Variants in PGLYRP3 observed in about 807,000 individuals in gnomAD.
PGLYRP3 encodes the protein peptidoglycan recognition protein I alpha.
A neutral mutation model predicts 36.0 loss-of-function variants in PGLYRP3; 39 were observed. The observed-to-expected ratio is 1.08, with a 90% confidence interval of 0.84 to 1.41. The LOEUF is 1.41. Ranked by LOEUF, PGLYRP3 falls within the 40% of genes most tolerant of loss-of-function variation. PGLYRP3 has a pLI of 0.00. For synonymous variants in PGLYRP3, 204 were observed against 172.8 expected (o/e 1.18, Z -1.42); for missense variants, 407 against 427.9 (o/e 0.95, Z 0.43).
intron 2 of PGLYRP3, among the ~76,000 whole-genome samples, chr1:153,307,695 T>C (rs757239165): frequency 2.0e-5 from 3 of 152,162 alleles, no homozygotes; most frequent in African/African-American, 7.2e-5. Context: ...GTCTCTTGTC[T>C]TCCCCTCCCC....
At position 153,308,125 on chromosome 1, in the gene PGLYRP3, A is replaced by G. The variant is rs1336187583; in HGVS notation, c.56-858T>C. Reference sequence around the variant, plus strand: ...TTCTCTTGCTTCAGCCTCCCGAGTAACTGGAATTACAGGTGCATGCCACTA... The same window carrying G: ...TTCTCTTGCTTCAGCCTCCCGAGTAGCTGGAATTACAGGTGCATGCCACTA... On this transcript the variant is annotated intron_variant, in intron 2 of 7. Coordinates refer to ENST00000683862, the MANE Select transcript of PGLYRP3 (RefSeq NM_052891.3). Among the ~76,000 whole-genome samples, 6 of 151,906 alleles carry G rather than the reference A, an allele frequency of 3.9e-5. No homozygotes were observed. In the East Asian group the frequency reaches 1.2e-3, roughly 29 times the overall value.
chr1:153,298,498 CA>C (rs1314274400), intron 7 of PGLYRP3, among the ~76,000 whole-genome samples: 2 of 151,908 alleles, frequency 1.3e-5, no homozygotes, highest in South Asian at 2.1e-4. Context: ...ACTAAAAATA[CA>C]AAAAAATTAG....
intron 7 of PGLYRP3, 49 bp downstream of exon 7, chr1:153,299,064 C>T: frequency 6.8e-7 from 1 of 1,465,464 alleles, no homozygotes; most frequent in Non-Finnish European, 9.6e-7. Flanking sequence ...AGACATGCTG[C>T]ATGGTCCTTC....
chr1:153,298,491 A>G (rs890026366), intron 7 of PGLYRP3, among the ~76,000 whole-genome samples: 2 of 152,000 alleles, frequency 1.3e-5, no homozygotes, highest in Admixed American at 6.6e-5. Context: ...CATCTCTACT[A>G]AAAATACAAA....
intron 2 of PGLYRP3, among the ~76,000 whole-genome samples, chr1:153,310,227 A>G (rs1166578371): frequency 1.3e-5 from 2 of 152,218 alleles, no homozygotes; most frequent in Non-Finnish European, 2.9e-5. Flanking sequence ...GGGTTTAACT[A>G]TGACTGGTAT....
At position 153,310,654 on chromosome 1, in the gene PGLYRP3, C is replaced by T; in HGVS notation, c.12G>A (p.Leu4=). 1.2e-6 allele frequency: 2 copies of T among 1,614,098 alleles called. No homozygotes were observed. Among genetic ancestry groups the T allele is most frequent in the East Asian group, 4.5e-5 (2 of 44,878 alleles). Residue 4 remains leucine, a synonymous_variant, in exon 2 of 8, where the codon CTG becomes CTA. Coordinates refer to ENST00000683862, the MANE Select transcript of PGLYRP3 (RefSeq NM_052891.3). The stretch of plus-strand genomic sequence containing the variant: ...GAATGAAGAAGGCAAGAAGCCATGG[C>T]AGCGTCCCCATGTGGTCCCAGGACT... The part of the protein sequence containing the change: MGT[L]PWLLAFFILG...
chr1:153,302,344 C>T (rs530542474), intron 6 of PGLYRP3, 65 bp downstream of exon 6: 1 of 1,555,586 alleles, frequency 6.4e-7, no homozygotes, highest in African/African-American at 1.4e-5. Context: ...TCAGTTCCCT[C>T]CCACAGCCTT....
At chr1:153,299,639 C>G (rs916173694) in intron 6 of PGLYRP3, among the ~76,000 whole-genome samples, 2 of 152,192 alleles carry the variant, frequency 1.3e-5, no homozygotes, top group Non-Finnish European at 2.9e-5. Flanking sequence ...CCCCACCTTA[C>G]CTTCCTCAAA....
chr1:153,301,201 A>G (rs1557807866), intron 6 of PGLYRP3, among the ~76,000 whole-genome samples: 2 of 152,208 alleles, frequency 1.3e-5, no homozygotes, highest in Admixed American at 1.3e-4. Context: ...GATTATAGGC[A>G]TGAGCCACCG....
chr1:153,306,968 TA>T, intron 3 of PGLYRP3, 97 bp downstream of exon 3: 1 of 1,140,308 alleles, frequency 8.8e-7, no homozygotes, highest in South Asian at 1.4e-5. Context: ...AAAAGCAATG[TA>T]AATGAAGCGC....
chr1:153,307,834 G>A (rs1466847909), intron 2 of PGLYRP3, among the ~76,000 whole-genome samples: 1 of 152,124 alleles, frequency 6.6e-6, no homozygotes, highest in African/African-American at 2.4e-5. Context: ...TAGCGGCAGG[G>A]CTGTGAGATC....
intron 6 of PGLYRP3, among the ~76,000 whole-genome samples, chr1:153,301,873 A>G (rs1659605749): frequency 6.6e-6 from 1 of 152,244 alleles, no homozygotes; most frequent in Non-Finnish European, 1.5e-5. Flanking sequence ...GTACCAAAAG[A>G]AAATGTTTTG....
rs1659621261 is a variant in PGLYRP3 at position 153,302,492 on chromosome 1, A to G, written c.645T>C (p.Thr215=). 4.3e-6 allele frequency: 7 copies of G among 1,614,242 alleles called. No homozygotes were observed. Among genetic ancestry groups the G allele is most frequent in the South Asian group, 1.1e-5 (1 of 91,084 alleles). Residue 215 remains threonine, a synonymous_variant, in exon 6 of 8, where the codon ACT becomes ACC. Coordinates refer to ENST00000683862, the MANE Select transcript of PGLYRP3 (RefSeq NM_052891.3). ...CGACAGTCTGGCAGTCTGTGGATAC[A>G]GTGCAGCTTGTGCCAGCGGTGTGGA... ...IIIHTAGTSC[T]VSTDCQTVVR...
At chr1:153,304,151 G>C in intron 4 of PGLYRP3, 142 bp from the exon 5 acceptor site, 3 of 742,694 alleles carry the variant, frequency 4.0e-6, no homozygotes, top group Non-Finnish European at 6.2e-6. Flanking sequence ...CCAGAACAGA[G>C]TGCCTAAGAG....
At position 153,312,289 on chromosome 1, in the gene PGLYRP3, C is replaced by T. The variant is rs3806229; in HGVS notation, c.-42+354G>A. 1.9e-3 allele frequency among the ~76,000 whole-genome samples: 282 copies of T among 152,308 alleles called. 9 individuals carry two copies. The East Asian group carries it at 0.042, about 23-fold the overall frequency. On this transcript the variant is annotated intron_variant, in intron 1 of 7. Coordinates refer to ENST00000683862, the MANE Select transcript of PGLYRP3 (RefSeq NM_052891.3). ...TAGAGCCAAGGATTTACCACCTTGGCTCACATTGCTGTGCATCCTGTATAC... is the reference window on the plus strand; with the variant it reads ...TAGAGCCAAGGATTTACCACCTTGGTTCACATTGCTGTGCATCCTGTATAC...
chr1:153,307,270 G>A lies in PGLYRP3; in HGVS notation c.56-3C>T, dbSNP rs774963399. The A allele has an allele frequency of 6.3e-7, 1 of 1,591,856 alleles. No individual in the cohort carries two copies. The highest frequency in any genetic ancestry group is 8.6e-7 in the Non-Finnish European group (1 of 1,169,436). On this transcript the variant is annotated splice_region_variant and splice_polypyrimidine_tract_variant and intron_variant, in intron 2 of 7. Transcript: ENST00000683862. ...GCGGGAGACGATGGTGGGAGTATCT[G>A]TAGGGAAGACCACAGAATGGCACAT...
intron 5 of PGLYRP3, 136 bp from the exon 6 acceptor site, chr1:153,302,743 A>C: frequency 2.4e-6 from 2 of 827,128 alleles, no homozygotes; most frequent in Non-Finnish European, 3.8e-6. Flanking sequence ...ATGTAATATC[A>C]GCTTTGGGAT....
In PGLYRP3 at chr1:153,299,094, C is replaced by G. The variant is rs894650479; in HGVS notation, c.847+19G>C. The G allele has an allele frequency of 1.9e-6, 3 of 1,600,138 alleles. No homozygotes were observed. The highest frequency in any genetic ancestry group is 2.6e-6 in the Non-Finnish European group (3 of 1,167,436). ...TCCTTCAACCCCCAGCACCCCTCTACCCCATGCTCACCCCTTACCTACAAA... is the reference window on the plus strand; with the variant it reads ...TCCTTCAACCCCCAGCACCCCTCTAGCCCATGCTCACCCCTTACCTACAAA... On this transcript the variant is annotated intron_variant, in intron 7 of 7. Transcript: ENST00000683862.
intron 2 of PGLYRP3, among the ~76,000 whole-genome samples, chr1:153,310,386 G>A (rs1479268919): frequency 1.3e-5 from 2 of 152,108 alleles, no homozygotes; most frequent in Non-Finnish European, 2.9e-5. Context: ...TTCATCATGG[G>A]AGCAAATAAG....
Sources: allele counts gnomAD v4.1 joint callset (sites outside exome capture counted in the v4.1 genomes callset), GRCh38; gene constraint gnomAD v4.1.1; transcripts MANE v1.5; gene names NCBI Gene and HGNC (gene_info 2026-07-23, HGNC 2026-07-21).